Variants in PCDHA2 observed in about 807,000 individuals in gnomAD.
PCDHA2 encodes protocadherin alpha-2.
Under a neutral mutation model 66.0 loss-of-function variants are expected in PCDHA2, and 58 were observed. The observed-to-expected ratio is 0.88, with a 90% CI of 0.71 to 1.09. The LOEUF (loss-of-function observed/expected upper bound fraction) is 1.09. Ranked by LOEUF, PCDHA2 falls within the 50% of genes least tolerant of loss-of-function variation. The pLI, the probability that PCDHA2 is intolerant of heterozygous loss-of-function variation, is 0.00. For synonymous variants in PCDHA2, 634 were observed against 554.0 expected, an observed-to-expected ratio of 1.14 and a Z score of -2.03; for missense variants, 1,267 against 1,242.3, an observed-to-expected ratio of 1.02 and a Z score of -0.30.
chr5:140,942,435 A>G (rs1258382123), intron 1 of PCDHA2, among the ~76,000 whole-genome samples: 2 of 152,114 alleles, frequency 1.3e-5, no homozygotes, highest in East Asian at 3.9e-4. Flanking sequence ...ATCTAACAAT[A>G]AACAAGTAAA....
chr5:140,941,578 G>A (rs1007298745), intron 1 of PCDHA2, among the ~76,000 whole-genome samples: 3 of 151,774 alleles, frequency 2.0e-5, no homozygotes, highest in Non-Finnish European at 4.4e-5. Context: ...GCCTCCCAAA[G>A]TGCTGGGATT....
chr5:140,804,966 T>C (rs1257876550), intron 1 of PCDHA2: 4 of 1,456,626 alleles, frequency 2.7e-6, no homozygotes, highest in Non-Finnish European at 3.7e-6. Flanking sequence ...GTAGTAGCCA[T>C]AGTGTGTCCA....
chr5:140,970,293 T>C (rs2096396195), intron 1 of PCDHA2, among the ~76,000 whole-genome samples: 3 of 152,220 alleles, frequency 2.0e-5, no homozygotes, highest in Admixed American at 2.0e-4. Context: ...TTTCAAGTCC[T>C]TCATGTCTTT....
Position 140,912,620 on chromosome 5 carries a change from G to A in PCDHA2, c.2389-66329G>A, listed in dbSNP as rs149952916. Among the ~76,000 whole-genome samples the A allele has an allele frequency of 2.6e-3, 391 of 152,154 alleles. 2 individuals carry two copies. The highest frequency in any genetic ancestry group is 9.2e-3 in the African/African-American group (380 of 41,510). ...TTTCTTCCTCTTGTCTGATTACTCT[G>A]GATGAGACTTTCAGTACTATGTTGA... On this transcript the variant is annotated intron_variant, in intron 1 of 3. Coordinates refer to ENST00000526136, the MANE Select transcript of PCDHA2 (RefSeq NM_018905.3).
intron 1 of PCDHA2, among the ~76,000 whole-genome samples, chr5:140,938,642 CCTT>C (rs1554212266): frequency 6.6e-6 from 1 of 151,942 alleles, no homozygotes; most frequent in East Asian, 1.9e-4. Flanking sequence ...GATGTATAAT[CCTT>C]CTTTATATCA....
intron 1 of PCDHA2, chr5:140,877,431 C>A: frequency 1.2e-6 from 2 of 1,613,836 alleles, no homozygotes; most frequent in Non-Finnish European, 1.7e-6. Flanking sequence ...TGGTGAAGGA[C>A]CACGGTGAGC....
chr5:140,954,698 A>C (rs185399105), intron 1 of PCDHA2, among the ~76,000 whole-genome samples: 5 of 152,208 alleles, frequency 3.3e-5, no homozygotes, highest in African/African-American at 1.2e-4. Context: ...TAGACTACAA[A>C]ATTTTTCTCC....
At chr5:140,863,966 A>G (rs1411552186) in intron 1 of PCDHA2, 1 of 154,822 alleles carries the variant, frequency 6.5e-6, no homozygotes, top group Non-Finnish European at 1.4e-5. Context: ...AGGCCACTGC[A>G]CTACAGCCTG....
chr5:140,831,753 C>T (rs2150197118), intron 1 of PCDHA2, among the ~76,000 whole-genome samples: 2 of 152,134 alleles, frequency 1.3e-5, no homozygotes, highest in Non-Finnish European at 2.9e-5. Context: ...TTCATCGCTA[C>T]CAATTTTGTT....
chr5:140,877,171 G>A (rs2056910663), intron 1 of PCDHA2: 1 of 1,613,742 alleles, frequency 6.2e-7, no homozygotes, highest in Non-Finnish European at 8.5e-7. Context: ...GGCACTGCTG[G>A]CGACTCCGGC....
chr5:140,946,517 G>A (rs138420578), intron 1 of PCDHA2, among the ~76,000 whole-genome samples: 8 of 151,024 alleles, frequency 5.3e-5, no homozygotes, highest in Admixed American at 1.3e-4. Flanking sequence ...AGACCTATCC[G>A]CACTCCCATG....
chr5:140,947,100 T>C (rs782585215), intron 1 of PCDHA2, among the ~76,000 whole-genome samples: 16 of 151,438 alleles, frequency 1.1e-4, no homozygotes, highest in Non-Finnish European at 2.1e-4. Context: ...AGCCCATAAA[T>C]AGGTACGTGT....
chr5:141,010,118 T>C lies in PCDHA2; in HGVS notation c.*181T>C. 6.2e-7 allele frequency: 1 copy of C among 1,608,728 alleles called. No homozygotes were observed. The highest frequency in any genetic ancestry group is 8.5e-7 in the Non-Finnish European group (1 of 1,177,116). ...TTAACAGGTTTTGTCGTAAAAGCTT[T>C]ACTAAGTCTGGTGTTAACTCTTTCT... On this transcript the variant is annotated 3_prime_UTR_variant, in exon 4 of 4. Transcript: ENST00000526136.
chr5:140,894,819 G>T (rs974558361), intron 1 of PCDHA2, among the ~76,000 whole-genome samples: 6 of 151,474 alleles, frequency 4.0e-5, no homozygotes, highest in African/African-American at 1.2e-4. Context: ...TATCAGATTT[G>T]CCCATAATCC....
chr5:140,852,390 G>A (rs1418398381), intron 1 of PCDHA2: 1 of 186,076 alleles, frequency 5.4e-6, no homozygotes, highest in African/African-American at 2.4e-5. Context: ...CAATTCTCCT[G>A]CCTCAGCCTC....
intron 1 of PCDHA2, among the ~76,000 whole-genome samples, chr5:140,916,217 A>T (rs1050976167): frequency 6.6e-6 from 1 of 152,132 alleles, no homozygotes; most frequent in Non-Finnish European, 1.5e-5. Context: ...GGAAGATCCA[A>T]ATATGCTTTC....
At chr5:140,871,123 G>A (rs782312325) in intron 1 of PCDHA2, 51 of 1,613,216 alleles carry the variant, frequency 3.2e-5, no homozygotes, top group African/African-American at 1.3e-5. Context: ...GAGCGGACAG[G>A]CGCCAAAGGC....
intron 1 of PCDHA2, chr5:140,802,818 G>T (rs1763037287): frequency 6.2e-7 from 1 of 1,613,474 alleles, no homozygotes; most frequent in South Asian, 1.1e-5. Context: ...GCGCGATGCG[G>T]GCGTGCCGCC....
intron 1 of PCDHA2, among the ~76,000 whole-genome samples, chr5:140,906,614 TTTG>T (rs1448753363): frequency 6.6e-6 from 1 of 152,208 alleles, no homozygotes; most frequent in Non-Finnish European, 1.5e-5. Flanking sequence ...CTGTATTCCC[TTTG>T]CCTTCAGCAA....
Sources: gnomAD v4.1 joint callset for allele counts (sites outside exome capture counted in the v4.1 genomes callset) on GRCh38, gnomAD v4.1.1 for gene constraint, MANE v1.5 for transcripts, NCBI Gene and HGNC (gene_info 2026-07-23, HGNC 2026-07-21) for gene names.